Variants in L1TD1 observed in about 807,000 individuals in gnomAD.
L1TD1 encodes the protein LINE-1 type transposase domain-containing protein 1.
In L1TD1, 26 loss-of-function variants were observed where a neutral mutation model predicts 25.7. The observed-to-expected ratio is 1.01, with a 90% CI of 0.74 to 1.40. L1TD1 has a LOEUF of 1.40. L1TD1 is among the 40% of genes most tolerant of loss of function. The pLI, the probability that L1TD1 is intolerant of heterozygous loss-of-function variation, is 0.00. For missense variants in L1TD1, 1,130 were observed against 975.0 expected (o/e 1.16, Z -2.12); for synonymous variants, 421 against 335.6 (o/e 1.25, Z -2.78).
Position 62,210,649 on chromosome 1 carries a change from C to A in L1TD1, c.1875C>A (p.Ile625=), listed in dbSNP as rs749635272. 1.3e-6 allele frequency: 2 copies of A among 1,571,782 alleles called. No homozygotes were observed. Among genetic ancestry groups the A allele is most frequent in the Non-Finnish European group, 1.7e-6 (2 of 1,157,954 alleles). The stretch of plus-strand genomic sequence containing the variant: ...TGAGAAGTAGTGTGATTAATAGCAT[C>A]AGAGAGATAAAAGAGGAGATTGGAA... ...ENLRSSVINS[I]REIKEEIGNL... is the part of the protein sequence containing the mutation. The change falls in exon 4 of 4, where the codon ATC becomes ATA. Residue 625 remains isoleucine, a synonymous_variant. Transcript: ENST00000498273.
At chr1:62,205,373 TTCTCTCTCTCTCTCTTTCTC>T (rs1349447417) in intron 2 of L1TD1, among the ~76,000 whole-genome samples, 1,671 of 90,058 alleles carry the variant, frequency 0.019, 64 homozygotes, top group African/African-American at 0.048. Context: ...AAAACTCTCT[TTCTCTCTCTCTCTCTTTCTC>T]TCTCTCTCTC....
rs1670839383 is a variant in L1TD1 at position 62,210,329 on chromosome 1, G to A, written c.1555G>A (p.Gly519Arg). 1 of 1,613,874 alleles carries A rather than the reference G, an allele frequency of 6.2e-7. No individual in the cohort carries two copies. The highest frequency in any genetic ancestry group is 8.5e-7 in the Non-Finnish European group (1 of 1,179,988). ...CTTTAGTTATTTGGTTGGGGACTCT[G>A]GGAAGAAAAAGTTGGTGAAACACCA... Reference protein sequence around the residue: ...IPFSYLVGDSGKKKLVKHQVV... With the variant: ...IPFSYLVGDSRKKKLVKHQVV... The change falls in exon 4 of 4, where the codon GGG (glycine) becomes AGG (arginine). Residue 519 changes from glycine to arginine, a missense_variant. Transcript: ENST00000498273.
In L1TD1 at chr1:62,211,134, G is replaced by A; in HGVS notation, c.2360G>A (p.Gly787Glu). The A allele has an allele frequency of 6.5e-7, 1 of 1,549,302 alleles. No homozygotes were observed. Among genetic ancestry groups the A allele is most frequent in the Middle Eastern group, 1.7e-4 (1 of 5,976 alleles). The stretch of plus-strand genomic sequence containing the variant: ...GAGAGAAGAGAAATTACCTACCAAG[G>A]AACAAGAATCAGGTTGACAGCAGAC... ...SRERREITYQGTRIRLTADLS... is the reference protein window; with the variant it reads ...SRERREITYQETRIRLTADLS... The change falls in exon 4 of 4, where the codon GGA becomes GAA. Residue 787 changes from glycine (G) to glutamate (E), a missense_variant. Gly to Glu is a moderately conservative substitution (Grantham distance 98). Transcript: ENST00000498273.
chr1:62,196,278 T>G (rs1670538039), intron 1 of L1TD1, among the ~76,000 whole-genome samples, 157 bp from the exon 2 acceptor site: 1 of 152,230 alleles, frequency 6.6e-6, no homozygotes, highest in South Asian at 2.1e-4. Context: ...TGCAGCCCTC[T>G]CCCGACTTAC....
chr1:62,210,735 G>A lies in L1TD1; in HGVS notation c.1961G>A (p.Ser654Asn). The A allele has an allele frequency of 6.4e-7, 1 of 1,551,674 alleles. No individual in the cohort carries two copies. The change falls in exon 4 of 4, where the codon AGC (serine) becomes AAC (asparagine). Residue 654 changes from serine to asparagine, a missense_variant. Physicochemically the swap from Ser to Asn is conservative, Grantham distance 46. Transcript: ENST00000498273. ...GAAAATTCAGTAGATGATCTGAGTAGCAGAATGGACATACTTGAAGAAAGA... is the reference window on the plus strand; with the variant it reads ...GAAAATTCAGTAGATGATCTGAGTAACAGAATGGACATACTTGAAGAAAGA... ...EIENSVDDLS[S>N]RMDILEERID...
At position 62,207,212 on chromosome 1, in the gene L1TD1, CAGAA is replaced by C. The variant is rs1431749282; in HGVS notation, c.588_591del (p.Glu198ValfsTer13). 10 of 1,551,250 alleles carry C rather than the reference CAGAA, an allele frequency of 6.4e-6. No homozygotes were observed. The highest frequency in any genetic ancestry group is 2.4e-5 in the South Asian group (2 of 84,090). ...AATCGCAATGTCCATTTAGAATTTA[CAGAA>C]AGAGAGAGTAGGAAGGATGGAGAGG... On this transcript the variant is annotated frameshift_variant, in exon 3 of 4. Transcript: ENST00000498273. LOFTEE classifies it high-confidence loss of function.
At chr1:62,204,840 T>C (rs2149100184) in intron 2 of L1TD1, among the ~76,000 whole-genome samples, 1 of 152,230 alleles carries the variant, frequency 6.6e-6, no homozygotes, top group East Asian at 1.9e-4. Flanking sequence ...AATGGTGCGA[T>C]GTCAGCTCAC....
intron 2 of L1TD1, among the ~76,000 whole-genome samples, chr1:62,197,575 C>T (rs1016735892): frequency 5.9e-5 from 9 of 151,928 alleles, no homozygotes; most frequent in African/African-American, 2.2e-4. Flanking sequence ...CTCAAGTGCT[C>T]CTGCTGCCCC....
At chr1:62,196,726 G>C (rs1234802607) in intron 2 of L1TD1, among the ~76,000 whole-genome samples, 198 bp downstream of exon 2, 7 of 152,190 alleles carry the variant, frequency 4.6e-5, no homozygotes, top group African/African-American at 1.7e-4. Context: ...CCAAGTAGCT[G>C]GGATTACAGG....
chr1:62,200,959 T>C (rs1186170717), intron 2 of L1TD1, among the ~76,000 whole-genome samples: 2 of 152,082 alleles, frequency 1.3e-5, no homozygotes, highest in East Asian at 3.8e-4. Context: ...GATGGAGTCT[T>C]GCTCGCTCTG....
chr1:62,199,554 C>T (rs942641960), intron 2 of L1TD1, among the ~76,000 whole-genome samples: 8 of 151,906 alleles, frequency 5.3e-5, no homozygotes, highest in Non-Finnish European at 4.4e-5. Flanking sequence ...TAAATCCCAC[C>T]GTGCCCGGCT....
chr1:62,204,042 TAGA>T (rs1437197742), intron 2 of L1TD1, among the ~76,000 whole-genome samples: 1 of 152,226 alleles, frequency 6.6e-6, no homozygotes, highest in African/African-American at 2.4e-5. Context: ...CGCTATTCTC[TAGA>T]AGAGTTTGGG....
chr1:62,202,819 G>T (rs1457367071), intron 2 of L1TD1, among the ~76,000 whole-genome samples: 1 of 151,576 alleles, frequency 6.6e-6, no homozygotes, highest in Non-Finnish European at 1.5e-5. Context: ...GAGCAGCTGG[G>T]ATTACAGGAA....
Position 62,207,355 on chromosome 1 carries a change from CT to C in L1TD1, c.729del (p.Thr244ProfsTer3). 3 of 1,551,584 alleles carry C rather than the reference CT, an allele frequency of 1.9e-6. No homozygotes were observed. The highest frequency in any genetic ancestry group is 2.6e-6 in the Non-Finnish European group (3 of 1,146,952). ...AGTGTTGATGGATGAAGGAGCAGTA[CT>C]TACCCTGGTAGCCGACCTTTCATCA... ...EKVLMDEGAV[L>X]TLVADLSSAT... On this transcript the variant is annotated frameshift_variant, in exon 3 of 4. Transcript: ENST00000498273. LOFTEE classifies it high-confidence loss of function.
At chr1:62,207,695 G>C in intron 3 of L1TD1, 59 bp downstream of exon 3, 2 of 1,430,406 alleles carry the variant, frequency 1.4e-6, no homozygotes, top group Non-Finnish European at 1.8e-6. Context: ...AGTAGGCATG[G>C]TTATTTTGAA....
chr1:62,207,743 G>A (rs1263798165), intron 3 of L1TD1, 107 bp downstream of exon 3: 11 of 1,320,452 alleles, frequency 8.3e-6, no homozygotes, highest in Admixed American at 6.0e-5. Context: ...ATGGAGTTTC[G>A]CTCTTGTCGG....
rs1299549391 is a variant in L1TD1, at chr1:62,206,502, AT to A, written c.-110-10del. The A allele has an allele frequency of 9.1e-6, 9 of 989,880 alleles. No homozygotes were observed. The highest frequency in any genetic ancestry group is 1.2e-5 in the Non-Finnish European group (9 of 730,630). 61.3% of individuals were successfully genotyped at this position (989,880 alleles called of 1,614,324 possible). The stretch of plus-strand genomic sequence containing the variant: ...AGAATTCTTTAGTAAGTAATTTTTC[AT>A]TTTTTTGTATTTCAGATTGACGTAT... On this transcript the variant is annotated splice_polypyrimidine_tract_variant and intron_variant, in intron 2 of 3. Coordinates refer to ENST00000498273, the MANE Select transcript of L1TD1 (RefSeq NM_019079.5).
At chr1:62,209,431 ACT>A (rs1162547964) in intron 3 of L1TD1, among the ~76,000 whole-genome samples, 2 of 151,984 alleles carry the variant, frequency 1.3e-5, no homozygotes, top group Non-Finnish European at 2.9e-5. Flanking sequence ...TTACCATAGG[ACT>A]CTCACATACA....
intron 2 of L1TD1, among the ~76,000 whole-genome samples, chr1:62,206,297 T>G (rs1670743070): frequency 6.6e-6 from 1 of 152,162 alleles, no homozygotes; most frequent in African/African-American, 2.4e-5. Context: ...TATCTGCTCT[T>G]TGGTTAATTT....
Sources: allele counts gnomAD v4.1 joint callset (sites outside exome capture counted in the v4.1 genomes callset), GRCh38; gene constraint gnomAD v4.1.1; transcripts MANE v1.5; gene names NCBI Gene and HGNC (gene_info 2026-07-23, HGNC 2026-07-21).